Variants in PACRG observed in about 807,000 individuals in gnomAD.
PACRG encodes parkin coregulated, also known as parkin coregulated gene protein.
In PACRG, 29 loss-of-function variants were observed where a neutral mutation model predicts 29.7. That is an observed-to-expected ratio of 0.98 (90% CI 0.73 to 1.33). The LOEUF (loss-of-function observed/expected upper bound fraction) is 1.33, where lower values mean the gene tolerates loss of function less well. Among genes scored for constraint, PACRG ranks in the 40% most tolerant of loss-of-function variants. The probability of loss-of-function intolerance (pLI) is 0.00; values close to 1 mark genes in which losing one functional copy is unlikely to be tolerated. For synonymous variants in PACRG, 116 were observed against 118.7 expected (o/e 0.98, Z 0.15); for missense variants, 279 against 316.2 (o/e 0.88, Z 0.89).
intron 4 of PACRG, 40 bp from the exon 5 acceptor site, chr6:163,314,787 A>C (rs781347275): frequency 3.8e-6 from 6 of 1,598,516 alleles, no homozygotes; most frequent in Non-Finnish European, 4.3e-6. Context: ...GGGAAATTGC[A>C]GAGAAGTAAC....
intron 4 of PACRG, among the ~76,000 whole-genome samples, chr6:163,163,257 G>A (rs1240874531): frequency 6.6e-6 from 1 of 151,054 alleles, no homozygotes; most frequent in South Asian, 2.1e-4. Context: ...GGTTTTTTTT[G>A]TTGTTTTTTG....
intron 3 of PACRG, among the ~76,000 whole-genome samples, chr6:163,074,491 T>C (rs1812361761): frequency 6.6e-6 from 1 of 152,202 alleles, no homozygotes; most frequent in Non-Finnish European, 1.5e-5. Context: ...TAGTATTTGC[T>C]AGCAAAACAG....
rs529892099 is a variant in PACRG at position 162,993,245 on chromosome 6, T to G, written c.292-68905T>G. ...GATTTGGGGTGGAGAGTTCTGTAGATGTCTATTAGGTCCACTTGGTACAGA... is the reference window on the plus strand; with the variant it reads ...GATTTGGGGTGGAGAGTTCTGTAGAGGTCTATTAGGTCCACTTGGTACAGA... On this transcript the variant is annotated intron_variant, in intron 2 of 4. Transcript: ENST00000366888. 6.0e-5 allele frequency among the ~76,000 whole-genome samples: 9 copies of G among 151,086 alleles called. No homozygotes were observed. In the South Asian group the frequency reaches 1.7e-3, roughly 28 times the overall value.
rs1791104270 is a variant in PACRG at position 162,853,538 on chromosome 6, A to C, written c.291+39257A>C. Among the ~76,000 whole-genome samples the C allele has an allele frequency of 6.6e-6, 1 of 152,234 alleles. No individual in the cohort carries two copies. Among genetic ancestry groups the C allele is most frequent in the Non-Finnish European group, 1.5e-5 (1 of 68,048 alleles). ...CTTAATAAGACAGAAAGAAATATGC[A>C]TACAAAGCTATACTACCAGATAACA... On this transcript the variant is annotated intron_variant, in intron 2 of 4. Transcript: ENST00000366888. The surrounding 1 kb of genome is among the most constrained non-coding windows in gnomAD (Gnocchi z 4.7).
chr6:162,925,798 G>T (rs528678869), intron 2 of PACRG, among the ~76,000 whole-genome samples: 18 of 152,214 alleles, frequency 1.2e-4, no homozygotes, highest in Non-Finnish European at 1.6e-4. Flanking sequence ...AGTATTGGAA[G>T]TTCTGGCCAG....
intron 2 of PACRG, among the ~76,000 whole-genome samples, chr6:162,889,044 A>G (rs184752945): frequency 1.2e-4 from 18 of 152,318 alleles, no homozygotes; most frequent in Admixed American, 8.5e-4. Flanking sequence ...AAAATTGTCA[A>G]AAAATGAGCA....
At chr6:163,144,311 T>C (rs931225159) in intron 4 of PACRG, among the ~76,000 whole-genome samples, 2 of 150,424 alleles carry the variant, frequency 1.3e-5, no homozygotes, top group African/African-American at 4.9e-5. Flanking sequence ...TTTAAAAAAT[T>C]ATGCATGAAA....
chr6:162,768,473 A>G (rs1782970195), intron 1 of PACRG, among the ~76,000 whole-genome samples: 1 of 151,976 alleles, frequency 6.6e-6, no homozygotes, highest in Admixed American at 6.6e-5. Context: ...AACATTATTT[A>G]TTGCATTTGG....
chr6:162,818,392 G>A (rs986075767), intron 2 of PACRG, among the ~76,000 whole-genome samples: 10 of 152,114 alleles, frequency 6.6e-5, no homozygotes, highest in East Asian at 3.9e-4. Flanking sequence ...TGATCGGGGT[G>A]GGGACGGGGC....
intron 2 of PACRG, among the ~76,000 whole-genome samples, chr6:162,953,026 A>G (rs1449093769): frequency 6.6e-6 from 1 of 152,208 alleles, no homozygotes; most frequent in Non-Finnish European, 1.5e-5. Flanking sequence ...TTTGGCGTAC[A>G]AAAATTCATT....
Position 163,142,651 on chromosome 6 carries a change from G to A in PACRG, c.613+53243G>A, listed in dbSNP as rs139602616. 2.4e-3 allele frequency among the ~76,000 whole-genome samples: 360 copies of A among 152,326 alleles called. 1 individual carries two copies. The highest frequency in any genetic ancestry group is 0.014 in the Middle Eastern group (4 of 294). On this transcript the variant is annotated intron_variant, in intron 4 of 4. Coordinates refer to ENST00000366888, the MANE Select transcript of PACRG (RefSeq NM_001080379.2). Reference sequence around the variant, plus strand: ...AAAAGACAGAAAATATATGAACATAGTTGTAAAAATCCTAAGTAACATGTT... The same window carrying A: ...AAAAGACAGAAAATATATGAACATAATTGTAAAAATCCTAAGTAACATGTT...
At chr6:162,752,196 CAT>C (rs1781562530) in intron 1 of PACRG, among the ~76,000 whole-genome samples, 2 of 152,168 alleles carry the variant, frequency 1.3e-5, no homozygotes, top group Admixed American at 6.5e-5. Flanking sequence ...ATTTTACACA[CAT>C]ACACACACAT....
chr6:162,727,925 T>C, upstream of PACRG: 1 of 589,932 alleles, frequency 1.7e-6, no homozygotes. Flanking sequence ...GGCCCAGCAA[T>C]CTTACGTCAC....
At chr6:162,739,424 T>C (rs979725439) in intron 1 of PACRG, among the ~76,000 whole-genome samples, 7 of 152,222 alleles carry the variant, frequency 4.6e-5, no homozygotes, top group Non-Finnish European at 8.8e-5. Context: ...GGTATGTACA[T>C]ATTTTCTTGC....
intron 3 of PACRG, among the ~76,000 whole-genome samples, chr6:163,069,721 G>A (rs1235740129): frequency 6.6e-6 from 1 of 152,100 alleles, no homozygotes; most frequent in Non-Finnish European, 1.5e-5. Flanking sequence ...AGAAGGCAGA[G>A]AAAGAGATGG....
At chr6:163,070,889 G>C (rs994113504) in intron 3 of PACRG, among the ~76,000 whole-genome samples, 3 of 151,812 alleles carry the variant, frequency 2.0e-5, no homozygotes, top group Non-Finnish European at 4.4e-5. Context: ...AACCAAAAAA[G>C]AGCAGAAGTT....
At chr6:163,084,492 G>C (rs1307459550) in intron 3 of PACRG, among the ~76,000 whole-genome samples, 3 of 152,222 alleles carry the variant, frequency 2.0e-5, no homozygotes, top group Admixed American at 6.5e-5. Flanking sequence ...AAGTTAAGAG[G>C]CTTTTAAATA....
chr6:163,168,758 A>G (rs940603399), intron 4 of PACRG, among the ~76,000 whole-genome samples: 4 of 151,914 alleles, frequency 2.6e-5, no homozygotes, highest in African/African-American at 4.8e-5. Flanking sequence ...ATATTCTCCA[A>G]TCATCTACAC....
Position 162,985,120 on chromosome 6 carries a change from C to T in PACRG, c.292-77030C>T, listed in dbSNP as rs535075409. Among the ~76,000 whole-genome samples the T allele has an allele frequency of 6.6e-5, 10 of 152,000 alleles. No individual in the cohort carries two copies. In the South Asian group the frequency reaches 1.0e-3, roughly 16 times the overall value. ...GATGGATTTACAGCTGAATTCTATC[C>T]GACATACAAAGAAGAATTGGTACCA... On this transcript the variant is annotated intron_variant, in intron 2 of 4. Coordinates refer to ENST00000366888, the MANE Select transcript of PACRG (RefSeq NM_001080379.2).
Sources: gnomAD v4.1 joint callset for allele counts (sites outside exome capture counted in the v4.1 genomes callset) on GRCh38, gnomAD v4.1.1 for gene constraint, Gnocchi (gnomAD v3.1) non-coding constraint, MANE v1.5 for transcripts, NCBI Gene and HGNC (gene_info 2026-07-23, HGNC 2026-07-21) for gene names.